Variants in ACTR2 observed in about 807,000 individuals in gnomAD.
ACTR2 encodes actin-related protein 2.
ACTR2 carries 5 observed loss-of-function variants against 50.2 expected under a neutral mutation model. That is an observed-to-expected ratio of 0.10 (90% CI 0.05 to 0.21). ACTR2 has a LOEUF of 0.21. ACTR2 is among the 10% of genes least tolerant of loss of function. The pLI, the probability that ACTR2 is intolerant of heterozygous loss-of-function variation, is 1.00. For synonymous variants in ACTR2, 140 were observed against 162.9 expected (o/e 0.86, Z 1.07); for missense variants, 180 against 480.6 (o/e 0.37, Z 5.85).
intron 6 of ACTR2, 111 bp from the exon 7 acceptor site, chr2:65,261,136 G>T: frequency 2.0e-6 from 2 of 1,004,634 alleles, no homozygotes; most frequent in South Asian, 1.8e-5. Flanking sequence ...AATTGTTGTT[G>T]GTAATGATTT....
chr2:65,267,890 T>TTTTTTTTTG (rs1672408697), intron 8 of ACTR2, among the ~76,000 whole-genome samples: 1 of 111,714 alleles, frequency 9.0e-6, no homozygotes, highest in African/African-American at 3.5e-5. Context: ...TTTTTTTTTT[T>TTTTTTTTTG]GAGATTGAGT....
At chr2:65,259,926 C>T (rs959208147) in intron 6 of ACTR2, among the ~76,000 whole-genome samples, 2 of 152,104 alleles carry the variant, frequency 1.3e-5, no homozygotes, top group African/African-American at 4.8e-5. Flanking sequence ...TGATGTGTGA[C>T]TGACAAGATT....
chr2:65,259,968 T>C (rs1277993153), intron 6 of ACTR2, among the ~76,000 whole-genome samples: 4 of 152,186 alleles, frequency 2.6e-5, no homozygotes, highest in Non-Finnish European at 5.9e-5. Flanking sequence ...TGATACCTGA[T>C]TTGTTTAAAT....
intron 1 of ACTR2, among the ~76,000 whole-genome samples, chr2:65,237,896 C>T (rs1237882809): frequency 6.6e-6 from 1 of 152,144 alleles, no homozygotes; most frequent in Non-Finnish European, 1.5e-5. Context: ...ACGAGAATCA[C>T]TTGAACCCGT....
chr2:65,234,313 G>A (rs13424622), intron 1 of ACTR2, among the ~76,000 whole-genome samples: 48,269 of 152,034 alleles, frequency 0.32, 8,435 homozygotes, highest in African/African-American at 0.44. Flanking sequence ...TATATACCCT[G>A]TATGAAAACT....
intron 1 of ACTR2, among the ~76,000 whole-genome samples, chr2:65,234,598 G>A (rs1482861412): frequency 6.6e-6 from 1 of 152,172 alleles, no homozygotes; most frequent in Non-Finnish European, 1.5e-5. Context: ...TGAGTGATGT[G>A]ATTATTTGCC....
At chr2:65,241,990 C>T in intron 2 of ACTR2, 1 of 1,597,578 alleles carries the variant, frequency 6.3e-7, no homozygotes, top group Non-Finnish European at 8.6e-7. Context: ...TTATTTAGGC[C>T]TTTTCTGACT....
rs70943640 is a variant in ACTR2 at position 65,267,862 on chromosome 2, C to CTTTTTTTTTTTTT, written c.1015-686_1015-674dup. On this transcript the variant is annotated intron_variant, in intron 8 of 8. Coordinates refer to ENST00000260641, the MANE Select transcript of ACTR2 (RefSeq NM_005722.4). The stretch of plus-strand genomic sequence containing the variant: ...ACCTTGAAGAAGTCATGCAAGTCCT[C>CTTTTTTTTTTTTT]TTTTTTTTTTTTTTTTTTTTTTTTT... Among the ~76,000 whole-genome samples the CTTTTTTTTTTTTT allele has an allele frequency of 4.4e-3, 207 of 47,416 alleles. 28 individuals are homozygous for CTTTTTTTTTTTTT. The highest frequency in any genetic ancestry group is 6.3e-3 in the Non-Finnish European group (165 of 26,200). The allele number at this position is 47,416 out of a possible 152,430, so 31.1% of individuals were successfully genotyped here.
At chr2:65,234,957 CAA>C (rs1474303156) in intron 1 of ACTR2, among the ~76,000 whole-genome samples, 1 of 151,892 alleles carries the variant, frequency 6.6e-6, no homozygotes, top group African/African-American at 2.4e-5. Flanking sequence ...AATTTAATAT[CAA>C]AATAGTATTT....
At chr2:65,249,175 G>A (rs1169946004) in intron 3 of ACTR2, among the ~76,000 whole-genome samples, 3 of 152,136 alleles carry the variant, frequency 2.0e-5, no homozygotes, top group African/African-American at 7.2e-5. Flanking sequence ...AATAACTTCT[G>A]TAGCTTTCCA....
chr2:65,229,387 C>A (rs1425700576), intron 1 of ACTR2, among the ~76,000 whole-genome samples: 1 of 152,136 alleles, frequency 6.6e-6, no homozygotes, highest in African/African-American at 2.4e-5. Flanking sequence ...AGATTTGTTA[C>A]ACAATTTTAC....
At chr2:65,250,869 C>T (rs268853) in intron 3 of ACTR2, among the ~76,000 whole-genome samples, 158 bp from the exon 4 acceptor site, 129,749 of 152,054 alleles carry the variant, frequency 0.85, 55,483 homozygotes, top group African/African-American at 0.89. Context: ...AGCAGGACTT[C>T]AATAAGAAAT....
rs1252904143 is a variant in ACTR2, at chr2:65,238,636, G to GCGA, written c.49-1214_49-1212dup. ...ATGGCGCCACTGCACTCCACCCTGG[G>GCGA]CGACAGAGCGAGACTGTCTAAAAAA... On this transcript the variant is annotated intron_variant, in intron 1 of 8. Coordinates refer to ENST00000260641, the MANE Select transcript of ACTR2 (RefSeq NM_005722.4). Among the ~76,000 whole-genome samples the GCGA allele has an allele frequency of 6.3e-5, 9 of 142,730 alleles. No individual in the cohort carries two copies. In the Admixed American group the frequency reaches 6.4e-4, roughly 10 times the overall value. The allele number at this position is 142,730 out of a possible 152,430, so 93.6% of individuals were successfully genotyped here.
chr2:65,270,088 C>G lies in ACTR2; in HGVS notation c.*1354C>G, dbSNP rs1672462851. 1 of 151,936 alleles carries G rather than the reference C, an allele frequency of 6.6e-6. No individual in the cohort carries two copies. The highest frequency in any genetic ancestry group is 6.6e-5 in the Admixed American group (1 of 15,264). The allele number at this position is 151,936 out of a possible 1,614,324, so 9.4% of individuals were successfully genotyped here. On this transcript the variant is annotated 3_prime_UTR_variant, in exon 9 of 9. Transcript: ENST00000260641. ...TATTCCTTGGTATCTGAAAAAAATACCAAATAGTACCATACATGAGTTATT... is the reference window on the plus strand; with the variant it reads ...TATTCCTTGGTATCTGAAAAAAATAGCAAATAGTACCATACATGAGTTATT...
rs1306647570 is a variant in ACTR2, at chr2:65,270,571, A to G, written c.*1837A>G. The G allele has an allele frequency of 6.6e-6, 1 of 152,516 alleles. No individual in the cohort carries two copies. Among genetic ancestry groups the G allele is most frequent in the Non-Finnish European group, 1.5e-5 (1 of 68,034 alleles). 9.4% of individuals were successfully genotyped at this position (152,516 alleles called of 1,614,324 possible). On this transcript the variant is annotated 3_prime_UTR_variant, in exon 9 of 9. Coordinates refer to ENST00000260641, the MANE Select transcript of ACTR2 (RefSeq NM_005722.4). ...GTATGTAGGGCCCGTACCTACTGGC[A>G]GTTGGGTTCAGGGAAATGGGATTGA... is the stretch of plus-strand genomic sequence containing the variant.
At chr2:65,241,901 A>G (rs1671846344) in intron 2 of ACTR2, 2 of 888,880 alleles carry the variant, frequency 2.3e-6, no homozygotes, top group African/African-American at 1.6e-5. Flanking sequence ...TATTAACTCC[A>G]TTAAATATAG....
chr2:65,249,095 A>G (rs1225411767), intron 3 of ACTR2, among the ~76,000 whole-genome samples: 1 of 152,216 alleles, frequency 6.6e-6, no homozygotes, highest in Non-Finnish European at 1.5e-5. Flanking sequence ...CAAGAGAGCT[A>G]TGATCCTCAT....
chr2:65,255,228 AT>A (rs1412370981), intron 5 of ACTR2, among the ~76,000 whole-genome samples: 1 of 152,194 alleles, frequency 6.6e-6, no homozygotes, highest in African/African-American at 2.4e-5. Context: ...CTAAAATAAT[AT>A]TTATTCATTA....
intron 1 of ACTR2, among the ~76,000 whole-genome samples, chr2:65,231,413 C>T (rs1671635976): frequency 6.6e-6 from 1 of 152,018 alleles, no homozygotes; most frequent in Admixed American, 6.6e-5. Flanking sequence ...TATTTAGATA[C>T]CTGAAGTTAT....
Sources: allele counts gnomAD v4.1 joint callset (sites outside exome capture counted in the v4.1 genomes callset), GRCh38; gene constraint gnomAD v4.1.1; transcripts MANE v1.5; gene names NCBI Gene and HGNC (gene_info 2026-07-23, HGNC 2026-07-21).